The following PCDHA3 variants were observed in gnomAD, a reference collection of about 807,000 sequenced individuals.
PCDHA3 encodes protocadherin alpha-3.
A neutral mutation model predicts 62.2 loss-of-function variants in PCDHA3; 41 were observed. The observed-to-expected ratio is 0.66, with a 90% CI of 0.51 to 0.86. The LOEUF is 0.86. Ranked by LOEUF, PCDHA3 falls within the 40% of genes least tolerant of loss-of-function variation. The pLI, the probability that PCDHA3 is intolerant of heterozygous loss-of-function variation, is 0.00. For missense variants in PCDHA3, 1,304 were observed against 1,241.2 expected, an observed-to-expected ratio of 1.05 and a Z score of -0.76; for synonymous variants, 640 against 555.4, an observed-to-expected ratio of 1.15 and a Z score of -2.14.
intron 1 of PCDHA3, among the ~76,000 whole-genome samples, chr5:140,826,017 A>G (rs1296923952): frequency 2.6e-5 from 4 of 152,190 alleles, no homozygotes; most frequent in Non-Finnish European, 4.4e-5. Flanking sequence ...TTTACATGAT[A>G]AAATGTGAAT....
At chr5:140,928,008 T>C in intron 1 of PCDHA3, 1 of 1,614,158 alleles carries the variant, frequency 6.2e-7, no homozygotes, top group Non-Finnish European at 8.5e-7. Context: ...TCGATTCTAA[T>C]GGTAGGGTCA....
intron 1 of PCDHA3, chr5:140,850,637 G>A: frequency 6.3e-7 from 1 of 1,598,640 alleles, no homozygotes; most frequent in Non-Finnish European, 8.6e-7. Flanking sequence ...TGGTTCTCAC[G>A]CTGCTGCTGT....
intron 1 of PCDHA3, among the ~76,000 whole-genome samples, chr5:140,951,153 G>T (rs1585399827): frequency 3.4e-5 from 1 of 29,832 alleles, no homozygotes; most frequent in Admixed American, 3.1e-4. Context: ...ATTGAATATA[G>T]TTATAGTAGC....
intron 1 of PCDHA3, chr5:140,882,644 A>G (rs368491324): frequency 1.9e-6 from 3 of 1,614,138 alleles, no homozygotes; most frequent in Admixed American, 1.7e-5. Flanking sequence ...GGTGAGGGAC[A>G]TTAACGACAA....
At chr5:140,943,380 T>A (rs2093488086) in intron 1 of PCDHA3, among the ~76,000 whole-genome samples, 3 of 151,328 alleles carry the variant, frequency 2.0e-5, no homozygotes, top group Admixed American at 2.0e-4. Context: ...AATATACAGG[T>A]AAGAAATTAT....
intron 1 of PCDHA3, chr5:140,868,884 T>G (rs2050712940): frequency 1.4e-6 from 1 of 728,466 alleles, no homozygotes; most frequent in South Asian, 2.1e-5. Context: ...ACTCACAGTT[T>G]TAGGCGCAAG....
Position 141,010,268 on chromosome 5 carries a change from A to T in PCDHA3, c.*331A>T. 1 of 1,551,622 alleles carries T rather than the reference A, an allele frequency of 6.4e-7. No homozygotes were observed. Among genetic ancestry groups the T allele is most frequent in the Non-Finnish European group, 8.7e-7 (1 of 1,146,964 alleles). On this transcript the variant is annotated 3_prime_UTR_variant, in exon 4 of 4. Coordinates refer to ENST00000522353, the MANE Select transcript of PCDHA3 (RefSeq NM_018906.3). ...GGACTCTCTGCCCTGTGCTCCGGGG[A>T]TCCTGTCTTGATGACACTTGCAGGG...
chr5:140,806,260 G>A (rs1160952341), intron 1 of PCDHA3, among the ~76,000 whole-genome samples: 1 of 152,126 alleles, frequency 6.6e-6, no homozygotes, highest in Admixed American at 6.6e-5. Context: ...TTGGAAGCAG[G>A]AAATATTCAG....
intron 3 of PCDHA3, among the ~76,000 whole-genome samples, chr5:141,000,885 G>C (rs1213239926): frequency 6.6e-6 from 1 of 151,922 alleles, no homozygotes; most frequent in African/African-American, 2.4e-5. Context: ...TCCAACCTGG[G>C]CAACAGATAT....
chr5:140,928,401 C>T, intron 1 of PCDHA3: 1 of 1,614,028 alleles, frequency 6.2e-7, no homozygotes, highest in Non-Finnish European at 8.5e-7. Flanking sequence ...TGGAATCATC[C>T]AGTGGGGCCA....
chr5:140,973,078 C>T (rs111586419), intron 1 of PCDHA3, among the ~76,000 whole-genome samples: 5,544 of 152,208 alleles, frequency 0.036, 303 homozygotes, highest in African/African-American at 0.12. Context: ...GTGGGCCCAG[C>T]TGGCACAACA....
Position 140,834,177 on chromosome 5 carries a change from C to G in PCDHA3, c.2394+30586C>G, listed in dbSNP as rs2150214084. ...TTTGTAATTCTTACTTACATGATGG[C>G]CACATGATGTCGCTCTTTACCGCAA... On this transcript the variant is annotated intron_variant, in intron 1 of 3. Transcript: ENST00000522353. 2.9e-5 allele frequency: 16 copies of G among 556,922 alleles called. No individual in the cohort carries two copies. The East Asian group carries it at 4.6e-4, about 16-fold the overall frequency. 34.5% of individuals were successfully genotyped at this position (556,922 alleles called of 1,614,324 possible). A position where few individuals can be genotyped will look rare whatever the true frequency, so the allele number is the denominator to read the frequency against.
intron 1 of PCDHA3, among the ~76,000 whole-genome samples, chr5:140,945,947 A>C (rs2093865061): frequency 6.6e-6 from 1 of 152,132 alleles, no homozygotes; most frequent in Non-Finnish European, 1.5e-5. Flanking sequence ...TTTTTATATG[A>C]CCCTGAAAGC....
In PCDHA3 at chr5:141,009,724, T is replaced by A. The variant is rs1554262325; in HGVS notation, c.2640T>A (p.Gly880=). The change falls in exon 4 of 4, where the codon GGT becomes GGA. Residue 880 remains glycine (G), a synonymous_variant. Transcript: ENST00000522353. ...KYGPGNPKQS[G]PGELPDKFII... is the part of the protein sequence containing the mutation. ...GACCAGGCAACCCCAAACAATCCGG[T>A]CCCGGTGAGTTGCCCGACAAATTCA... 6.2e-7 allele frequency: 1 copy of A among 1,614,116 alleles called. No individual in the cohort carries two copies. The highest frequency in any genetic ancestry group is 2.2e-5 in the East Asian group (1 of 44,868).
chr5:140,855,030 G>A (rs1385138184), intron 1 of PCDHA3, among the ~76,000 whole-genome samples: 1 of 149,666 alleles, frequency 6.7e-6, no homozygotes, highest in African/African-American at 2.4e-5. Context: ...CTTGTATAAA[G>A]GATTTTTCTG....
At chr5:140,934,561 TTTAA>T (rs549996624) in intron 1 of PCDHA3, among the ~76,000 whole-genome samples, 1 of 152,208 alleles carries the variant, frequency 6.6e-6, no homozygotes, top group South Asian at 2.1e-4. Flanking sequence ...TCTTCTTTTT[TTTAA>T]TTAATTGTAA....
At chr5:140,860,381 A>C (rs550712376) in intron 1 of PCDHA3, 4 of 152,246 alleles carry the variant, frequency 2.6e-5, no homozygotes, top group African/African-American at 9.6e-5. Context: ...ACCCTATTTC[A>C]AAAATTGAAA....
chr5:140,862,472 T>C (rs577275887), intron 1 of PCDHA3: 357 of 374,932 alleles, frequency 9.5e-4, no homozygotes, highest in Non-Finnish European at 1.4e-3. Context: ...AGAGCAAATC[T>C]ATCCATTGTT....
chr5:140,942,518 G>A (rs2093312014), intron 1 of PCDHA3, among the ~76,000 whole-genome samples: 1 of 151,908 alleles, frequency 6.6e-6, no homozygotes, highest in Non-Finnish European at 1.5e-5. Flanking sequence ...ACTCAGAGGG[G>A]AAGCAACTAA....
Sources: allele counts gnomAD v4.1 joint callset (sites outside exome capture counted in the v4.1 genomes callset), GRCh38; gene constraint gnomAD v4.1.1; transcripts MANE v1.5; gene names NCBI Gene and HGNC (gene_info 2026-07-23, HGNC 2026-07-21).